Variants in AMMECR1 observed in about 807,000 individuals in gnomAD.
AMMECR1 encodes nuclear protein AMMECR1.
Under a neutral mutation model 22.5 loss-of-function variants are expected in AMMECR1, and 3 were observed. That is an observed-to-expected ratio of 0.13 (90% CI 0.06 to 0.35). AMMECR1 has a LOEUF of 0.35. AMMECR1 is among the 10% of genes least tolerant of loss of function. The probability of loss-of-function intolerance (pLI) is 1.00; values close to 1 mark genes in which losing one functional copy is unlikely to be tolerated. For missense variants in AMMECR1, 235 were observed against 278.7 expected, an observed-to-expected ratio of 0.84 and a Z score of 1.12; for synonymous variants, 130 against 116.7, an observed-to-expected ratio of 1.11 and a Z score of -0.74.
intron 2 of AMMECR1, among the ~76,000 whole-genome samples, chrX:110,325,808 T>A (rs772087586): frequency 8.9e-6 from 1 of 112,215 alleles, no homozygotes; most frequent in Admixed American, 9.4e-5. Context: ...TTTATTTATT[T>A]CCTTCTGTTT....
At chrX:110,372,393 C>A (rs1325394069) in intron 2 of AMMECR1, among the ~76,000 whole-genome samples, 1 of 112,261 alleles carries the variant, frequency 8.9e-6, no homozygotes, top group Non-Finnish European at 1.9e-5. Context: ...CTGGAAGTAA[C>A]AGTGGTAATG....
chrX:110,339,969 AACATACACACACACACAC>A (rs1467917310), intron 2 of AMMECR1, among the ~76,000 whole-genome samples: 2 of 90,028 alleles, frequency 2.2e-5, no homozygotes, highest in African/African-American at 8.8e-5. Context: ...TTGAAGGCAA[AACATACACACACACACAC>A]ACACACACAC....
chrX:110,332,262 C>T (rs1374491244), intron 2 of AMMECR1, among the ~76,000 whole-genome samples: 3 of 111,615 alleles, frequency 2.7e-5, no homozygotes, highest in Non-Finnish European at 5.7e-5. Flanking sequence ...AGAATTTTAG[C>T]CCCTTAGGTA....
chrX:110,296,888 C>T lies in AMMECR1; in HGVS notation c.473+20711G>A, dbSNP rs760746273. Among the ~76,000 whole-genome samples, 11 of 110,819 alleles carry T rather than the reference C, an allele frequency of 9.9e-5. No homozygotes were observed. In the South Asian group the frequency reaches 1.1e-3, roughly 11 times the overall value. ...CTTCCTCAGTGACAGTTTTTATTGA[C>T]TGCTTACCTCCCTGAATTAAGTGCC... On this transcript the variant is annotated intron_variant, in intron 1 of 5. Coordinates refer to ENST00000262844, the MANE Select transcript of AMMECR1 (RefSeq NM_015365.3).
intron 2 of AMMECR1, among the ~76,000 whole-genome samples, chrX:110,364,090 C>T (rs143881838): frequency 6.5e-4 from 72 of 111,318 alleles, no homozygotes; most frequent in Non-Finnish European, 1.2e-3. Flanking sequence ...GGCCATGCTC[C>T]CTACAAAGGC....
intron 2 of AMMECR1, among the ~76,000 whole-genome samples, chrX:110,216,849 C>T (rs2067475692): frequency 9.0e-6 from 1 of 110,844 alleles, no homozygotes; most frequent in African/African-American, 3.3e-5. Flanking sequence ...ATCTTGTGAC[C>T]ACTTCAATTG....
intron 2 of AMMECR1, among the ~76,000 whole-genome samples, chrX:110,335,789 A>T (rs774279329): frequency 5.4e-5 from 6 of 111,718 alleles, no homozygotes; most frequent in African/African-American, 1.6e-4. Flanking sequence ...TTTGGCAAAT[A>T]CTCTTTGCGT....
At chrX:110,295,838 C>T (rs186136548) in intron 1 of AMMECR1, among the ~76,000 whole-genome samples, 35 of 111,832 alleles carry the variant, frequency 3.1e-4, no homozygotes, top group African/African-American at 9.7e-4. Context: ...TTCCCTCCCT[C>T]CCCCTATGTG....
At chrX:110,303,029 G>A (rs2067976178) in intron 1 of AMMECR1, among the ~76,000 whole-genome samples, 2 of 111,704 alleles carry the variant, frequency 1.8e-5, no homozygotes, top group Admixed American at 9.5e-5. Flanking sequence ...ACCTGAGGCC[G>A]TGCTGGACTG....
intron 2 of AMMECR1, among the ~76,000 whole-genome samples, chrX:110,398,961 T>C (rs1173071993): frequency 8.9e-6 from 1 of 112,098 alleles, no homozygotes; most frequent in East Asian, 2.8e-4. Flanking sequence ...ATGCTATGAC[T>C]GATTATTGAT....
intron 3 of AMMECR1, among the ~76,000 whole-genome samples, chrX:110,203,736 C>A (rs1180981840): frequency 9.0e-6 from 1 of 110,963 alleles, no homozygotes; most frequent in Non-Finnish European, 1.9e-5. Context: ...GAAAGGGGGT[C>A]AATGAAAACT....
chrX:110,259,875 GCC>G (rs2067731060), intron 2 of AMMECR1, among the ~76,000 whole-genome samples: 1 of 111,290 alleles, frequency 9.0e-6, no homozygotes, highest in African/African-American at 3.3e-5. Context: ...GAGCCACCGC[GCC>G]CGGCCAGGAA....
intron 1 of AMMECR1, among the ~76,000 whole-genome samples, chrX:110,296,664 T>A (rs1450920920): frequency 8.9e-6 from 1 of 111,743 alleles, no homozygotes; most frequent in African/African-American, 3.2e-5. Flanking sequence ...ATAATTTTTT[T>A]AATTTCATCT....
In AMMECR1 at chrX:110,196,387, G is replaced by T. The variant is rs1267514794; in HGVS notation, c.*2133C>A. 1.9e-5 allele frequency: 2 copies of T among 104,012 alleles called. No homozygotes were observed. Among genetic ancestry groups the T allele is most frequent in the Non-Finnish European group, 3.9e-5 (2 of 51,144 alleles). The allele number at this position is 104,012 out of a possible 1,213,427, so 8.6% of individuals were successfully genotyped here. ...TATTTACCTTTTTTTCCTTTTTTTT[G>T]TTTTTTGTTTTGTTTTTTTTTTGTT... On this transcript the variant is annotated 3_prime_UTR_variant, in exon 6 of 6. Transcript: ENST00000262844.
At chrX:110,281,790 T>C (rs1007654225) in intron 1 of AMMECR1, among the ~76,000 whole-genome samples, 1 of 112,301 alleles carries the variant, frequency 8.9e-6, no homozygotes, top group Non-Finnish European at 1.9e-5. Context: ...AGTAATCTCA[T>C]GGCTTGGGCG....
intron 2 of AMMECR1, among the ~76,000 whole-genome samples, chrX:110,344,749 C>G (rs2068181253): frequency 9.0e-6 from 1 of 111,622 alleles, no homozygotes; most frequent in Non-Finnish European, 1.9e-5. Context: ...AAAAAATGCT[C>G]ATCATCACTG....
chrX:110,376,367 A>T (rs1292804254), intron 2 of AMMECR1, among the ~76,000 whole-genome samples: 1 of 111,244 alleles, frequency 9.0e-6, no homozygotes, highest in East Asian at 2.8e-4. Flanking sequence ...GCCTGCCTCC[A>T]GACAGGGATG....
upstream of AMMECR1, among the ~76,000 whole-genome samples, chrX:110,322,011 T>C (rs1234015595): frequency 8.9e-6 from 1 of 112,631 alleles, no homozygotes; most frequent in Non-Finnish European, 1.9e-5. Flanking sequence ...TTTTTCTGAT[T>C]ACAAAACAGA....
At chrX:110,217,158 A>G (rs1240936994) in intron 2 of AMMECR1, among the ~76,000 whole-genome samples, 3 of 109,042 alleles carry the variant, frequency 2.8e-5, no homozygotes, top group Non-Finnish European at 5.7e-5. Context: ...CAGCACTCAA[A>G]GAATTCAAAG....
Sources: gnomAD v4.1 joint callset for allele counts (sites outside exome capture counted in the v4.1 genomes callset) on GRCh38, gnomAD v4.1.1 for gene constraint, MANE v1.5 for transcripts, NCBI Gene and HGNC (gene_info 2026-07-23, HGNC 2026-07-21) for gene names.